The following PRKN variants were observed in gnomAD, a reference collection of about 807,000 sequenced individuals.
The protein encoded by PRKN is E3 ubiquitin-protein ligase parkin.
In PRKN, 56 loss-of-function variants were observed where a neutral mutation model predicts 59.5. That is an observed-to-expected ratio of 0.94 (90% CI 0.76 to 1.18). The LOEUF is 1.18. PRKN is among the 50% of genes most tolerant of loss of function. The pLI, the probability that PRKN is intolerant of heterozygous loss-of-function variation, is 0.00. For missense variants in PRKN, 657 were observed against 596.4 expected, an observed-to-expected ratio of 1.10 and a Z score of -1.06; for synonymous variants, 250 against 222.1, an observed-to-expected ratio of 1.13 and a Z score of -1.12.
chr6:162,565,065 T>C (rs1312048922), intron 1 of PRKN, among the ~76,000 whole-genome samples: 1 of 146,310 alleles, frequency 6.8e-6, no homozygotes, highest in Non-Finnish European at 1.5e-5. Context: ...TTTCAAGGCA[T>C]AGTGAGTACA....
At chr6:162,396,885 G>T (rs1787504129) in intron 2 of PRKN, among the ~76,000 whole-genome samples, 1 of 152,060 alleles carries the variant, frequency 6.6e-6, no homozygotes, top group African/African-American at 2.4e-5. Context: ...ATGCATTTAG[G>T]TTCAAGGTGG....
chr6:162,137,245 T>C (rs1781592009), intron 4 of PRKN, among the ~76,000 whole-genome samples: 1 of 152,298 alleles, frequency 6.6e-6, no homozygotes, highest in South Asian at 2.1e-4. Context: ...TTGCACAGGC[T>C]TAGAAATCAA....
intron 6 of PRKN, among the ~76,000 whole-genome samples, chr6:161,938,898 G>T (rs1303592024): frequency 1.3e-5 from 2 of 152,106 alleles, no homozygotes; most frequent in Non-Finnish European, 2.9e-5. Context: ...ACTTCCCTTT[G>T]CAATTCCTTT....
chr6:161,998,746 A>C (rs570987224), intron 5 of PRKN, among the ~76,000 whole-genome samples: 46 of 152,272 alleles, frequency 3.0e-4, no homozygotes, highest in African/African-American at 1.1e-3. Flanking sequence ...AGTGTAAGAG[A>C]AATCCAATCC....
chr6:162,570,492 T>C (rs924515750), intron 1 of PRKN, among the ~76,000 whole-genome samples: 2 of 152,178 alleles, frequency 1.3e-5, no homozygotes, highest in African/African-American at 4.8e-5. Context: ...AGGAAATCAG[T>C]GTATACAAGA....
chr6:162,260,507 T>C (rs1055024883), intron 3 of PRKN, among the ~76,000 whole-genome samples: 2 of 152,206 alleles, frequency 1.3e-5, no homozygotes, highest in African/African-American at 2.4e-5. Flanking sequence ...GAGAATACTA[T>C]ATTTTCTTAA....
chr6:162,291,363 C>T (rs949123340), intron 2 of PRKN, among the ~76,000 whole-genome samples: 3 of 145,062 alleles, frequency 2.1e-5, no homozygotes, highest in Admixed American at 1.4e-4. Context: ...TATGAACCAA[C>T]TCTGGTACTA....
intron 6 of PRKN, among the ~76,000 whole-genome samples, chr6:161,786,475 A>G (rs1790424937): frequency 6.6e-6 from 1 of 152,194 alleles, no homozygotes; most frequent in East Asian, 1.9e-4. Context: ...TAGGACTTGT[A>G]TATAGTGATT....
intron 3 of PRKN, among the ~76,000 whole-genome samples, chr6:162,202,541 A>T (rs897580582): frequency 2.0e-5 from 3 of 152,212 alleles, no homozygotes; most frequent in Non-Finnish European, 2.9e-5. Flanking sequence ...AAATGTAAAT[A>T]CATGTTTATA....
intron 1 of PRKN, among the ~76,000 whole-genome samples, chr6:162,530,925 C>T (rs1778485227): frequency 1.3e-5 from 2 of 151,840 alleles, no homozygotes; most frequent in African/African-American, 2.4e-5. Flanking sequence ...GGCATGGCCG[C>T]GTGTGCCTGT....
chr6:161,434,233 A>C (rs1447638507), intron 9 of PRKN, among the ~76,000 whole-genome samples: 1 of 152,190 alleles, frequency 6.6e-6, no homozygotes, highest in Non-Finnish European at 1.5e-5. Flanking sequence ...TATTTTACTC[A>C]AGAGATTTTG....
intron 3 of PRKN, among the ~76,000 whole-genome samples, chr6:162,213,643 G>C (rs775829029): frequency 1.3e-5 from 2 of 152,048 alleles, no homozygotes; most frequent in Non-Finnish European, 2.9e-5. Context: ...GCTGAGGTGG[G>C]AGAATTGCTT....
intron 7 of PRKN, among the ~76,000 whole-genome samples, chr6:161,580,180 T>C (rs1230180193): frequency 6.6e-6 from 1 of 152,238 alleles, no homozygotes; most frequent in Admixed American, 6.5e-5. Context: ...CCCAGATCTT[T>C]GCATTTTATC....
chr6:161,824,922 G>C (rs1240722465), intron 6 of PRKN, among the ~76,000 whole-genome samples: 1 of 152,126 alleles, frequency 6.6e-6, no homozygotes, highest in African/African-American at 2.4e-5. Context: ...TATGTAAGCA[G>C]TCACTATGCA....
chr6:161,728,320 A>T (rs970569647), intron 7 of PRKN, among the ~76,000 whole-genome samples: 1 of 152,018 alleles, frequency 6.6e-6, no homozygotes, highest in East Asian at 1.9e-4. Flanking sequence ...AACCAATAAT[A>T]GTGTCTTCTT....
intron 1 of PRKN, among the ~76,000 whole-genome samples, chr6:162,558,904 A>T (rs563758228): frequency 6.6e-6 from 1 of 152,194 alleles, no homozygotes; most frequent in Admixed American, 6.5e-5. Context: ...AGCCTCCCGA[A>T]GTGCTAGGAT....
intron 4 of PRKN, among the ~76,000 whole-genome samples, chr6:162,197,268 A>T (rs1784530927): frequency 6.6e-6 from 1 of 152,208 alleles, no homozygotes; most frequent in East Asian, 1.9e-4. Context: ...CTGGTGAATC[A>T]GTAGTGTGAC....
chr6:161,777,161 T>C (rs1283506980), intron 7 of PRKN, among the ~76,000 whole-genome samples: 2 of 152,174 alleles, frequency 1.3e-5, no homozygotes, highest in African/African-American at 4.8e-5. Context: ...AATAGGGTTT[T>C]CTGGAGATTC....
intron 1 of PRKN, among the ~76,000 whole-genome samples, chr6:162,503,522 T>C (rs1162660595): frequency 2.0e-5 from 3 of 152,110 alleles, no homozygotes; most frequent in African/African-American, 7.2e-5. Context: ...CATAGAAACC[T>C]TGAAGAAAAT....
Sources: gnomAD v4.1 joint callset for allele counts (sites outside exome capture counted in the v4.1 genomes callset) on GRCh38, gnomAD v4.1.1 for gene constraint, MANE v1.5 for transcripts, NCBI Gene and HGNC (gene_info 2026-07-23, HGNC 2026-07-21) for gene names.